The following HS3ST4 variants were observed in gnomAD, a reference collection of about 807,000 sequenced individuals.
HS3ST4 encodes heparan sulfate glucosamine 3-O-sulfotransferase 4.
In HS3ST4, 17 loss-of-function variants were observed where a neutral mutation model predicts 29.2. The ratio of observed to expected loss-of-function variants is 0.58; its 90% CI spans 0.40 to 0.87. The LOEUF (loss-of-function observed/expected upper bound fraction) is 0.87, where lower values mean the gene tolerates loss of function less well. HS3ST4 is among the 40% of genes least tolerant of loss of function. HS3ST4 has a pLI of 0.00. For missense variants in HS3ST4, 627 were observed against 634.5 expected (o/e 0.99, Z 0.13); for synonymous variants, 314 against 285.7 (o/e 1.10, Z -1.00).
At chr16:25,903,302 G>GTGTGTA (rs151301516) in intron 1 of HS3ST4, among the ~76,000 whole-genome samples, 1,594 of 103,284 alleles carry the variant, frequency 0.015, 43 homozygotes, top group African/African-American at 0.035. Flanking sequence ...GTGTGTGTGT[G>GTGTGTA]TATGTATATG....
chr16:25,877,141 A>G (rs898310244), intron 1 of HS3ST4, among the ~76,000 whole-genome samples: 4 of 151,952 alleles, frequency 2.6e-5, no homozygotes, highest in East Asian at 1.9e-4. Context: ...TCCTAGGGTA[A>G]GTTCATGCCC....
At chr16:26,112,248 G>A (rs937885442) in intron 1 of HS3ST4, among the ~76,000 whole-genome samples, 16 of 95,162 alleles carry the variant, frequency 1.7e-4, no homozygotes, top group African/African-American at 5.0e-4. Context: ...GTGTGTGTGT[G>A]TATGTGTGTG....
chr16:25,846,740 T>C (rs903526849), intron 1 of HS3ST4, among the ~76,000 whole-genome samples: 1 of 152,132 alleles, frequency 6.6e-6, no homozygotes, highest in Admixed American at 6.5e-5. Context: ...TATATCTATA[T>C]TTTTAATCAA....
chr16:25,944,073 CTT>C (rs1356036019), intron 1 of HS3ST4, among the ~76,000 whole-genome samples: 6 of 152,128 alleles, frequency 3.9e-5, no homozygotes, highest in Non-Finnish European at 7.4e-5. Flanking sequence ...CCTCCCCTCT[CTT>C]GTCCCTAGTT....
intron 1 of HS3ST4, among the ~76,000 whole-genome samples, chr16:25,959,872 C>T (rs894394536): frequency 1.1e-4 from 16 of 152,064 alleles, no homozygotes; most frequent in Non-Finnish European, 2.2e-4. Flanking sequence ...CAGTGGCTCA[C>T]ACCTGTAATC....
At chr16:26,122,062 G>T (rs1313274657) in intron 1 of HS3ST4, among the ~76,000 whole-genome samples, 2 of 151,418 alleles carry the variant, frequency 1.3e-5, no homozygotes. Context: ...GAAATCTGAG[G>T]TTATAGGTAG....
At chr16:25,999,826 TTATATATTATATATATTTTA>T (rs1567290744) in intron 1 of HS3ST4, among the ~76,000 whole-genome samples, 1 of 111,498 alleles carries the variant, frequency 9.0e-6, no homozygotes, top group Non-Finnish European at 1.9e-5. Context: ...ATATATATAT[TTATATATTATATATATTTTA>T]TATATATTAT....
intron 1 of HS3ST4, among the ~76,000 whole-genome samples, chr16:26,075,863 A>G (rs1490165482): frequency 2.6e-5 from 4 of 152,236 alleles, no homozygotes; most frequent in Non-Finnish European, 5.9e-5. Context: ...ATAATTTTCA[A>G]TACCTTAAAC....
intron 1 of HS3ST4, among the ~76,000 whole-genome samples, chr16:25,877,286 A>G (rs1967841994): frequency 1.3e-5 from 2 of 152,112 alleles, no homozygotes; most frequent in Admixed American, 6.6e-5. Flanking sequence ...ATACAATAAA[A>G]TTAAGATGAT....
At chr16:26,019,022 T>G (rs1028221317) in intron 1 of HS3ST4, among the ~76,000 whole-genome samples, 2 of 152,168 alleles carry the variant, frequency 1.3e-5, no homozygotes, top group South Asian at 4.1e-4. Context: ...TATACTCTGT[T>G]ACCTCTAATT....
At chr16:25,860,277 C>T (rs1223443306) in intron 1 of HS3ST4, among the ~76,000 whole-genome samples, 1 of 152,162 alleles carries the variant, frequency 6.6e-6, no homozygotes, top group African/African-American at 2.4e-5. Context: ...AATAGTACAG[C>T]CACTTTGGAA....
intron 1 of HS3ST4, among the ~76,000 whole-genome samples, chr16:26,101,793 A>G (rs1567312611): frequency 1.3e-5 from 2 of 152,302 alleles, no homozygotes; most frequent in South Asian, 2.1e-4. Flanking sequence ...TTGATTCTAC[A>G]TATTTTTCCT....
intron 1 of HS3ST4, among the ~76,000 whole-genome samples, chr16:26,030,464 C>T (rs1969521674): frequency 6.6e-6 from 1 of 152,132 alleles, no homozygotes. Context: ...TGATGAGGTG[C>T]AAATAAATCA....
chr16:25,812,624 G>T (rs1967052068), intron 1 of HS3ST4, among the ~76,000 whole-genome samples: 1 of 151,950 alleles, frequency 6.6e-6, no homozygotes, highest in African/African-American at 2.4e-5. Context: ...TAGGCACTGT[G>T]TTAAAGACCT....
At chr16:25,961,567 A>G (rs1237871470) in intron 1 of HS3ST4, among the ~76,000 whole-genome samples, 1 of 152,222 alleles carries the variant, frequency 6.6e-6, no homozygotes, top group Non-Finnish European at 1.5e-5. Context: ...TTCAAGGAAT[A>G]ATACCATGAG....
intron 1 of HS3ST4, among the ~76,000 whole-genome samples, chr16:25,995,772 G>T (rs1969154123): frequency 1.3e-5 from 2 of 152,154 alleles, no homozygotes; most frequent in South Asian, 4.1e-4. Flanking sequence ...CTCCTCATTT[G>T]TAAGGGAGAA....
chr16:25,725,122 A>AT (rs923173078), intron 1 of HS3ST4, among the ~76,000 whole-genome samples: 5 of 140,074 alleles, frequency 3.6e-5, no homozygotes, highest in African/African-American at 1.4e-4. Flanking sequence ...TTCTACTACT[A>AT]TTTTTGTTTT....
intron 1 of HS3ST4, among the ~76,000 whole-genome samples, chr16:25,940,293 T>G (rs1968560338): frequency 6.8e-6 from 1 of 146,186 alleles, no homozygotes; most frequent in Non-Finnish European, 1.5e-5. Context: ...GCCACTGTGA[T>G]GTACGATTAA....
intron 1 of HS3ST4, among the ~76,000 whole-genome samples, chr16:25,803,081 C>T (rs557620211): frequency 6.6e-6 from 1 of 150,422 alleles, no homozygotes; most frequent in African/African-American, 2.4e-5. Flanking sequence ...TTCTCTTTTT[C>T]TGTCTCTTTT....
Sources: allele counts gnomAD v4.1 joint callset (sites outside exome capture counted in the v4.1 genomes callset), GRCh38; gene constraint gnomAD v4.1.1; transcripts MANE v1.5; gene names NCBI Gene and HGNC (gene_info 2026-07-23, HGNC 2026-07-21).